Variants in IL12RB1 observed in about 807,000 individuals in gnomAD.
IL12RB1 encodes the protein interleukin 12 receptor subunit beta 1.
A neutral mutation model predicts 94.4 loss-of-function variants in IL12RB1; 64 were observed. The ratio of observed to expected loss-of-function variants is 0.68; its 90% CI spans 0.55 to 0.83. The LOEUF is 0.83. Ranked by LOEUF, IL12RB1 falls within the 40% of genes least tolerant of loss-of-function variation. The pLI, the probability that IL12RB1 is intolerant of heterozygous loss-of-function variation, is 0.00. For missense variants in IL12RB1, 814 were observed against 855.6 expected, an observed-to-expected ratio of 0.95 and a Z score of 0.61; for synonymous variants, 362 against 355.5, an observed-to-expected ratio of 1.02 and a Z score of -0.21.
rs781598812 is a variant in IL12RB1 at position 18,073,649 on chromosome 19, G to A, written c.701-50C>T. On this transcript the variant is annotated intron_variant, in intron 7 of 16. Transcript: ENST00000593993. ...GACGAATTGGAAGGAGAGAAAGACT[G>A]ATGGATGTTTTCTTTGTAAATGATG... The A allele has an allele frequency of 2.8e-6, 3 of 1,080,076 alleles. No homozygotes were observed. In the Admixed American group the frequency reaches 5.2e-5, roughly 19 times the overall value. The allele number at this position is 1,080,076 out of a possible 1,614,324, so 66.9% of individuals were successfully genotyped here. A position where few individuals can be genotyped will look rare whatever the true frequency, so the allele number is the denominator to read the frequency against.
chr19:18,063,781 GGAGTGA>G (rs2034349398), intron 13 of IL12RB1, 89 bp downstream of exon 13: 1 of 1,137,532 alleles, frequency 8.8e-7, no homozygotes, highest in Admixed American at 2.2e-5. Context: ...AGCCATAGAG[GGAGTGA>G]GAGTGAGGGC....
Position 18,080,949 on chromosome 19 carries a change from G to A in IL12RB1, c.292C>T (p.Gln98Ter). The change falls in exon 4 of 17, where the codon CAG becomes TAG. Residue 98 changes from glutamine (Q) to a stop codon, truncating the protein, a stop_gained. Coordinates refer to ENST00000593993, the MANE Select transcript of IL12RB1 (RefSeq NM_005535.3). LOFTEE classifies it high-confidence loss of function. ...YFAAGSATRL[Q>*]FSDQAGVSVL... ...GACACCCCAGCCTGGTCGGAGAACT[G>A]CAGCCTGGTGGCTGAGCCGGCGGCG... 6.2e-7 allele frequency: 1 copy of A among 1,613,898 alleles called. No individual in the cohort carries two copies. Among genetic ancestry groups the A allele is most frequent in the Non-Finnish European group, 8.5e-7 (1 of 1,179,910 alleles).
At chr19:18,074,074 C>T (rs1359387235) in intron 7 of IL12RB1, among the ~76,000 whole-genome samples, 1 of 152,312 alleles carries the variant, frequency 6.6e-6, no homozygotes, top group East Asian at 1.9e-4. Flanking sequence ...CCACTTGCCT[C>T]GGCCTCCCAA....
Position 18,065,830 on chromosome 19 carries a change from AAAG to A in IL12RB1, c.1483+709_1483+711del, listed in dbSNP as rs545868369. On this transcript the variant is annotated intron_variant, in intron 12 of 16. Coordinates refer to ENST00000593993, the MANE Select transcript of IL12RB1 (RefSeq NM_005535.3). ...ACAGACTCCCTCTCAAAAAGAAAAA[AAAG>A]AAAAAATCCCAGCCTGGGCAATATA... Among the ~76,000 whole-genome samples the A allele has an allele frequency of 1.1e-3, 163 of 151,844 alleles. 2 individuals carry two copies. Among genetic ancestry groups the A allele is most frequent in the Middle Eastern group, 3.4e-3 (1 of 294 alleles).
In IL12RB1 at chr19:18,068,389, C is replaced by A. The variant is rs367944399; in HGVS notation, c.1327G>T (p.Ala443Ser). 1 of 1,608,048 alleles carries A rather than the reference C, an allele frequency of 6.2e-7. No individual in the cohort carries two copies. Among genetic ancestry groups the A allele is most frequent in the Non-Finnish European group, 8.5e-7 (1 of 1,177,246 alleles). ...AAACCTGCAGGTTTGGGTCACTTAC[C>A]ATTGCCCCCAAAGTGGTAGGTGGAC... Reference protein sequence around the residue: ...VLSTYHFGGNASAAGTPHHVS... With the variant: ...VLSTYHFGGNSSAAGTPHHVS... The change falls in exon 11 of 17, where the codon GCC (alanine) becomes TCC (serine). Residue 443 changes from alanine (A) to serine (S), a missense_variant and splice_region_variant. By Grantham distance (99) the Ala-to-Ser change is moderately conservative. Coordinates refer to ENST00000593993, the MANE Select transcript of IL12RB1 (RefSeq NM_005535.3).
At position 18,080,972 on chromosome 19, in the gene IL12RB1, G is replaced by T. The variant is rs1344824078; in HGVS notation, c.269C>A (p.Ala90Asp). The change falls in exon 4 of 17, where the codon GCC becomes GAC. Residue 90 changes from alanine (A) to aspartate (D), a missense_variant. Coordinates refer to ENST00000593993, the MANE Select transcript of IL12RB1 (RefSeq NM_005535.3). The part of the protein sequence containing the change: ...CLSSGRCCYF[A>D]AGSATRLQFS... ...CTGCAGCCTGGTGGCTGAGCCGGCG[G>T]CGAAGTAGCAGCAGCGCCCGGAGCT... 2.5e-6 allele frequency: 4 copies of T among 1,613,402 alleles called. No homozygotes were observed. The highest frequency in any genetic ancestry group is 3.4e-6 in the Non-Finnish European group (4 of 1,179,916).
In IL12RB1 at chr19:18,068,538, A is replaced by G. The variant is rs778663995; in HGVS notation, c.1190-12T>C. On this transcript the variant is annotated splice_polypyrimidine_tract_variant and intron_variant, in intron 10 of 16. Transcript: ENST00000593993. ...CCAGCTGTAGGTTGCTGGAAGGATA[A>G]GCAAAGGCCAGGCCATTCAGTAGAT... 7 of 1,610,424 alleles carry G rather than the reference A, an allele frequency of 4.3e-6. No individual in the cohort carries two copies. The highest frequency in any genetic ancestry group is 1.7e-5 in the Admixed American group (1 of 59,956).
chr19:18,086,809 C>A lies in IL12RB1; in HGVS notation c.15G>T (p.Val5=). The A allele has an allele frequency of 6.2e-7, 1 of 1,611,616 alleles. No individual in the cohort carries two copies. Among genetic ancestry groups the A allele is most frequent in the Non-Finnish European group, 8.5e-7 (1 of 1,179,274 alleles). MEPL[V]TWVVPLLFLF... is the part of the protein sequence containing the mutation. ...GGAAGAGGAGGGGGACCACCCAGGT[C>A]ACCAGCGGCTCCATCGGATCCACGT... The change falls in exon 1 of 17, where the codon GTG becomes GTT. Residue 5 remains valine, a synonymous_variant. Coordinates refer to ENST00000593993, the MANE Select transcript of IL12RB1 (RefSeq NM_005535.3).
intron 5 of IL12RB1, 134 bp downstream of exon 5, chr19:18,077,382 A>G (rs1342982752): frequency 2.1e-5 from 15 of 719,162 alleles, no homozygotes; most frequent in East Asian, 1.4e-4. Flanking sequence ...AAAGAAAAAG[A>G]AAAAAACCAC....
intron 15 of IL12RB1, 52 bp from the exon 16 acceptor site, chr19:18,060,137 C>T: frequency 9.9e-7 from 1 of 1,009,194 alleles, no homozygotes; most frequent in Non-Finnish European, 1.5e-6. Flanking sequence ...ACTTCCCATC[C>T]ACAGCAGGAT....
rs1426144728 is a variant in IL12RB1, at chr19:18,059,452, G to C, written c.*156C>G. 1.5e-6 allele frequency: 1 copy of C among 648,920 alleles called. No individual in the cohort carries two copies. The highest frequency in any genetic ancestry group is 2.8e-5 in the East Asian group (1 of 36,196). The allele number at this position is 648,920 out of a possible 1,614,324, so 40.2% of individuals were successfully genotyped here. A position where few individuals can be genotyped will look rare whatever the true frequency, so the allele number is the denominator to read the frequency against. ...GCTTCCATTTCATGGCAGCATCTAG[G>C]GTTCCCCCGCAGGATGGGTGGCAAC... On this transcript the variant is annotated 3_prime_UTR_variant, in exon 17 of 17. Transcript: ENST00000593993.
chr19:18,073,553 G>A lies in IL12RB1; in HGVS notation c.747C>T (p.Gly249=), dbSNP rs777234245. 6.3e-7 allele frequency: 1 copy of A among 1,599,196 alleles called. No homozygotes were observed. Among genetic ancestry groups the A allele is most frequent in the Admixed American group, 1.7e-5 (1 of 58,710 alleles). The part of the protein sequence containing the change: ...PQVRFSVEQL[G]QDGRRRLTLK... ...GGGTCAGCCGCCTCCTCCCATCCTG[G>A]CCCAGCTGCTCCACCGAGAATCTCA... Residue 249 remains glycine (G), a synonymous_variant, in exon 8 of 17, where the codon GGC becomes GGT. Transcript: ENST00000593993.
exon 1 of IL12RB1, chr19:18,098,868 A>G: frequency 2.2e-6 from 1 of 453,268 alleles, no homozygotes; most frequent in Non-Finnish European, 4.4e-6. Flanking sequence ...GGGGAGGTAG[A>G]CGCCAGAGCA....
Position 18,072,130 on chromosome 19 carries a change from GA to G in IL12RB1, c.1002del (p.Pro335LeufsTer11). 1 of 1,613,324 alleles carries G rather than the reference GA, an allele frequency of 6.2e-7. No homozygotes were observed. Among genetic ancestry groups the G allele is most frequent in the Non-Finnish European group, 8.5e-7 (1 of 1,179,276 alleles). ...GAGGCACCTGTGTGGGTGTCGGCAG[GA>G]ATGTGCCACGTCTGGTTCAGGCCAG... ...FGPGLNQTWH[I>X]PADTHTEPVA... On this transcript the variant is annotated frameshift_variant, in exon 9 of 17. Transcript: ENST00000593993. LOFTEE classifies it high-confidence loss of function.
intron 9 of IL12RB1, chr19:18,071,303 C>A: frequency 3.3e-6 from 2 of 602,082 alleles, no homozygotes; most frequent in Admixed American, 2.5e-5. Context: ...ATCTGGAAGG[C>A]GGAGGTTGCA....
At chr19:18,065,119 T>C (rs1203574028) in intron 12 of IL12RB1, among the ~76,000 whole-genome samples, 1 of 152,176 alleles carries the variant, frequency 6.6e-6, no homozygotes, top group Non-Finnish European at 1.5e-5. Flanking sequence ...GGAGCAGGAC[T>C]TCTGCTGCTG....
chr19:18,073,313 C>T (rs564878712), intron 8 of IL12RB1, among the ~76,000 whole-genome samples: 1 of 152,144 alleles, frequency 6.6e-6, no homozygotes, highest in African/African-American at 2.4e-5. Context: ...CTGTGAACAT[C>T]TGAGTCCAGT....
At chr19:18,088,408 T>TATATATATA (rs1555788630), upstream of IL12RB1, among the ~76,000 whole-genome samples, 6 of 145,546 alleles carry the variant, frequency 4.1e-5, no homozygotes, top group South Asian at 2.2e-4. Context: ...TATATATAAA[T>TATATATATA]TAAAAGTTAG....
Position 18,077,548 on chromosome 19 carries a change from G to C in IL12RB1, c.517C>G (p.Arg173Gly). The change falls in exon 5 of 17, where the codon CGG becomes GGG. Residue 173 changes from arginine (R) to glycine (G), a missense_variant. Coordinates refer to ENST00000593993, the MANE Select transcript of IL12RB1 (RefSeq NM_005535.3). ...DNQVGAEVQF[R>G]HRTPSSPWKL... ...CATGGGCTGCTGGGTGTCCGGTGCCGGAACTGCACCTCAGCACCAACCTGG... is the reference window on the plus strand; with the variant it reads ...CATGGGCTGCTGGGTGTCCGGTGCCCGAACTGCACCTCAGCACCAACCTGG... 1.2e-6 allele frequency: 2 copies of C among 1,612,324 alleles called. No homozygotes were observed. The highest frequency in any genetic ancestry group is 1.7e-6 in the Non-Finnish European group (2 of 1,179,022).
Sources: allele counts gnomAD v4.1 joint callset (sites outside exome capture counted in the v4.1 genomes callset), GRCh38; gene constraint gnomAD v4.1.1; transcripts MANE v1.5; gene names NCBI Gene and HGNC (gene_info 2026-07-23, HGNC 2026-07-21).